The following SYN3 variants were observed in gnomAD, a reference collection of about 807,000 sequenced individuals.
The protein encoded by SYN3 is synapsin-3.
SYN3 carries 35 observed loss-of-function variants against 65.8 expected under a neutral mutation model. The observed-to-expected ratio is 0.53, with a 90% confidence interval of 0.41 to 0.70. The LOEUF (loss-of-function observed/expected upper bound fraction) is 0.70. SYN3 is among the 30% of genes least tolerant of loss of function. The pLI is 0.00. For missense variants in SYN3, 680 were observed against 749.0 expected (o/e 0.91, Z 1.08); for synonymous variants, 270 against 292.9 (o/e 0.92, Z 0.80).
chr22:32,786,308 T>C (rs2046192672), intron 6 of SYN3, among the ~76,000 whole-genome samples: 1 of 152,142 alleles, frequency 6.6e-6, no homozygotes, highest in Admixed American at 6.5e-5. Flanking sequence ...ACTACAAAAG[T>C]TGATGGTGTC....
intron 6 of SYN3, among the ~76,000 whole-genome samples, chr22:32,747,403 G>C (rs1445281087): frequency 6.6e-6 from 1 of 152,182 alleles, no homozygotes; most frequent in East Asian, 1.9e-4. Context: ...TTAATGAATT[G>C]TTCTGTCTTT....
Position 32,948,286 on chromosome 22 carries a change from G to C in SYN3, c.370-16805C>G, listed in dbSNP as rs145286089. ...TTGAATAACATTTTCATAGGTTCCA[G>C]GGACTAGGGCATAGACACTGTAGCG... On this transcript the variant is annotated intron_variant, in intron 3 of 13. Transcript: ENST00000358763. 3.0e-3 allele frequency among the ~76,000 whole-genome samples: 460 copies of C among 152,258 alleles called. 2 individuals are homozygous for C. The highest frequency in any genetic ancestry group is 5.4e-3 in the Non-Finnish European group (367 of 68,026).
intron 6 of SYN3, among the ~76,000 whole-genome samples, chr22:32,786,847 T>C (rs2046205654): frequency 1.3e-5 from 2 of 151,882 alleles, no homozygotes; most frequent in Non-Finnish European, 2.9e-5. Context: ...ACTCATGTCA[T>C]GGGATGAAGG....
At chr22:32,679,674 C>G (rs2060494912) in intron 6 of SYN3, among the ~76,000 whole-genome samples, 1 of 152,080 alleles carries the variant, frequency 6.6e-6, no homozygotes, top group Admixed American at 6.6e-5. Context: ...AACATCCTAA[C>G]AGGTGTGAGG....
intron 4 of SYN3, among the ~76,000 whole-genome samples, chr22:32,901,417 G>A (rs1415866946): frequency 6.6e-6 from 1 of 152,162 alleles, no homozygotes; most frequent in East Asian, 1.9e-4. Flanking sequence ...AAATGTTAGT[G>A]CTTCTTACTT....
At position 32,775,261 on chromosome 22, in the gene SYN3, C is replaced by T. The variant is rs190453626; in HGVS notation, c.711+89654G>A. Among the ~76,000 whole-genome samples the T allele has an allele frequency of 3.4e-3, 519 of 152,258 alleles. 1 individual carries two copies. Among genetic ancestry groups the T allele is most frequent in the African/African-American group, 0.012 (493 of 41,560 alleles). ...TATAAGGACACTAATCCTATGAGAT[C>T]AGGGTCCCACCCTTCTGACCTTGTC... On this transcript the variant is annotated intron_variant, in intron 6 of 13. Coordinates refer to ENST00000358763, the MANE Select transcript of SYN3 (RefSeq NM_003490.4).
chr22:32,705,286 T>A (rs2060865832), intron 6 of SYN3, among the ~76,000 whole-genome samples: 1 of 152,240 alleles, frequency 6.6e-6, no homozygotes, highest in Non-Finnish European at 1.5e-5. Context: ...TAGCCAGTTA[T>A]CCCAGCACCA....
intron 6 of SYN3, among the ~76,000 whole-genome samples, chr22:32,641,330 C>G (rs1354148387): frequency 6.6e-6 from 1 of 151,996 alleles, no homozygotes; most frequent in Non-Finnish European, 1.5e-5. Flanking sequence ...GTTCTGGGGC[C>G]GGGCGCGGTG....
intron 6 of SYN3, among the ~76,000 whole-genome samples, chr22:32,671,742 A>G (rs1012253): frequency 0.28 from 38,030 of 135,796 alleles, 6,684 homozygotes; most frequent in East Asian, 0.67. Context: ...CACACATGCT[A>G]TCACACAGGT....
chr22:32,738,685 G>A, intron 6 of SYN3, among the ~76,000 whole-genome samples: 1 of 152,224 alleles, frequency 6.6e-6, no homozygotes, highest in East Asian at 1.9e-4. Flanking sequence ...GCCAGCCAGA[G>A]AAGGGAAAAC....
intron 1 of SYN3, chr22:33,014,286 CTGA>C (rs2053417989): frequency 6.6e-6 from 1 of 152,160 alleles, no homozygotes; most frequent in African/African-American, 2.4e-5. Flanking sequence ...ATCCATTCCT[CTGA>C]TGATGGGCAC....
rs2146025625 is a variant in SYN3 at position 32,509,551 on chromosome 22, T to G, written c.*4141A>C. ...GTTCCTATGTTCATACACAGACCAA[T>G]GGGGAAAGTATTATTATTATTATTA... On this transcript the variant is annotated 3_prime_UTR_variant, in exon 14 of 14. Coordinates refer to ENST00000358763, the MANE Select transcript of SYN3 (RefSeq NM_003490.4). Among the ~76,000 whole-genome samples, 1 of 136,688 alleles carries G rather than the reference T, an allele frequency of 7.3e-6. No individual in the cohort carries two copies. Among genetic ancestry groups the G allele is most frequent in the Middle Eastern group, 3.7e-3 (1 of 272 alleles). 89.7% of individuals were successfully genotyped at this position (136,688 alleles called of 152,430 possible). A position where few individuals can be genotyped will look rare whatever the true frequency, so the allele number is the denominator to read the frequency against.
intron 1 of SYN3, among the ~76,000 whole-genome samples, chr22:33,052,596 A>AG (rs1556255585): frequency 4.2e-4 from 64 of 151,672 alleles, no homozygotes; most frequent in African/African-American, 3.6e-4. Context: ...AAAAAAAAAA[A>AG]AGAGAGAGAG....
At chr22:33,009,010 TG>T (rs2053280548) in intron 1 of SYN3, among the ~76,000 whole-genome samples, 1 of 135,760 alleles carries the variant, frequency 7.4e-6, no homozygotes, top group South Asian at 2.4e-4. Context: ...AAATCGGAAA[TG>T]TTTGCAGTTT....
intron 6 of SYN3, among the ~76,000 whole-genome samples, chr22:32,809,481 C>G (rs2046854202): frequency 6.6e-6 from 1 of 152,090 alleles, no homozygotes; most frequent in Admixed American, 6.6e-5. Context: ...ACCTCCTAAC[C>G]CAGTGCCCTT....
chr22:33,034,692 C>T (rs1445161219), intron 1 of SYN3, among the ~76,000 whole-genome samples: 1 of 152,188 alleles, frequency 6.6e-6, no homozygotes, highest in African/African-American at 2.4e-5. Context: ...CATCATTCCT[C>T]ACACAACCCC....
At chr22:32,804,247 G>A (rs2046665988) in intron 6 of SYN3, among the ~76,000 whole-genome samples, 1 of 152,182 alleles carries the variant, frequency 6.6e-6, no homozygotes, top group African/African-American at 2.4e-5. Flanking sequence ...ATGAGCTAAT[G>A]CTTTTAAAAT....
intron 4 of SYN3, among the ~76,000 whole-genome samples, chr22:32,890,875 C>A (rs1050362725): frequency 6.6e-6 from 1 of 152,164 alleles, no homozygotes; most frequent in African/African-American, 2.4e-5. Flanking sequence ...CTGCACCTCC[C>A]TACTAGCGTG....
intron 6 of SYN3, among the ~76,000 whole-genome samples, chr22:32,677,731 G>T (rs2060466575): frequency 6.6e-6 from 1 of 152,076 alleles, no homozygotes. Flanking sequence ...AACCTGGGAG[G>T]TTGAGCTTGC....
Sources: allele counts gnomAD v4.1 joint callset (sites outside exome capture counted in the v4.1 genomes callset), GRCh38; gene constraint gnomAD v4.1.1; transcripts MANE v1.5; gene names NCBI Gene and HGNC (gene_info 2026-07-23, HGNC 2026-07-21).